LRP8: variants seen among roughly 807,000 people sequenced by gnomAD.
LRP8 encodes the protein low-density lipoprotein receptor-related protein 8.
Under a neutral mutation model 111.6 loss-of-function variants are expected in LRP8, and 46 were observed. That is an observed-to-expected ratio of 0.41 (90% CI 0.33 to 0.53). LRP8 has a LOEUF of 0.53. Among genes scored for constraint, LRP8 ranks in the 20% least tolerant of loss-of-function variants. LRP8 has a pLI of 0.20. For missense variants in LRP8, 959 were observed against 1,297.4 expected, an observed-to-expected ratio of 0.74 and a Z score of 4.01; for synonymous variants, 464 against 511.2, an observed-to-expected ratio of 0.91 and a Z score of 1.24.
chr1:53,301,996 A>C (rs533577416), intron 2 of LRP8, among the ~76,000 whole-genome samples: 13 of 152,138 alleles, frequency 8.5e-5, no homozygotes, highest in Non-Finnish European at 1.5e-4. Context: ...CTCAGCTGTA[A>C]AACAAGGACA....
At chr1:53,312,787 C>T (rs12062223) in intron 2 of LRP8, among the ~76,000 whole-genome samples, 7,091 of 152,186 alleles carry the variant, frequency 0.047, 555 homozygotes, top group African/African-American at 0.16. Flanking sequence ...GGTCAAGTGT[C>T]CCAGTTTGCT....
chr1:53,287,080 T>C (rs1416691434), intron 3 of LRP8, among the ~76,000 whole-genome samples: 1 of 152,244 alleles, frequency 6.6e-6, no homozygotes. Flanking sequence ...CCTATAATCT[T>C]TCTTTTAGGG....
chr1:53,245,939 C>T lies in LRP8; in HGVS notation c.*1079G>A, dbSNP rs1269561007. The T allele has an allele frequency of 6.6e-6, 1 of 152,654 alleles. No individual in the cohort carries two copies. The highest frequency in any genetic ancestry group is 1.5e-5 in the Non-Finnish European group (1 of 68,042). The allele number at this position is 152,654 out of a possible 1,614,324, so 9.5% of individuals were successfully genotyped here. On this transcript the variant is annotated 3_prime_UTR_variant, in exon 19 of 19. Transcript: ENST00000306052. ...TTAGCTCTGTAAGGATGGCACCCTT[C>T]AGGGTGCTTCAGAGGAAACTTACTG... is the stretch of plus-strand genomic sequence containing the variant.
rs1350292886 is a variant in LRP8 at position 53,244,177 on chromosome 1, T to C, written c.*2841A>G. 6.6e-6 allele frequency: 1 copy of C among 152,260 alleles called. No homozygotes were observed. Among genetic ancestry groups the C allele is most frequent in the East Asian group, 1.9e-4 (1 of 5,206 alleles). 9.4% of individuals were successfully genotyped at this position (152,260 alleles called of 1,614,324 possible). A position where few individuals can be genotyped will look rare whatever the true frequency, so the allele number is the denominator to read the frequency against. On this transcript the variant is annotated 3_prime_UTR_variant, in exon 19 of 19. Coordinates refer to ENST00000306052, the MANE Select transcript of LRP8 (RefSeq NM_004631.5). ...TGTTTCTAGAAGGCATTTCAGTTAG[T>C]GCCTTTGTAATTCCACTGGAGGAAA...
chr1:53,257,611 T>C (rs927115039), intron 14 of LRP8, 147 bp from the exon 15 acceptor site: 3 of 634,040 alleles, frequency 4.7e-6, no homozygotes, highest in East Asian at 5.5e-5. Flanking sequence ...CAGTGGGCTA[T>C]GATCTTTTCT....
intron 2 of LRP8, among the ~76,000 whole-genome samples, chr1:53,307,023 A>G (rs1278895325): frequency 6.6e-6 from 1 of 152,174 alleles, no homozygotes; most frequent in Non-Finnish European, 1.5e-5. Flanking sequence ...CTCCTCCTTG[A>G]AACAGGAAGA....
Position 53,317,896 on chromosome 1 carries a change from T to C in LRP8, c.244+8977A>G, listed in dbSNP as rs1397898687. 2.0e-5 allele frequency among the ~76,000 whole-genome samples: 3 copies of C among 151,602 alleles called. No individual in the cohort carries two copies. Among genetic ancestry groups the C allele is most frequent in the Non-Finnish European group, 4.4e-5 (3 of 67,904 alleles). ...GAGCTCTGGAAGTGGAGCTAAGGAG[T>C]CCAGCTGCCCTGTTTCCCTGCCCAG... is the stretch of plus-strand genomic sequence containing the variant. On this transcript the variant is annotated intron_variant, in intron 2 of 18. Transcript: ENST00000306052. This position sits in a 1 kb window ranked among gnomAD's most constrained non-coding sequence, Gnocchi z 4.9.
At chr1:53,253,859 C>G (rs934084746) in intron 16 of LRP8, among the ~76,000 whole-genome samples, 1 of 152,186 alleles carries the variant, frequency 6.6e-6, no homozygotes, top group Non-Finnish European at 1.5e-5. Context: ...CTATCTATAT[C>G]CAACATGCCC....
chr1:53,327,056 CG>C (rs1230944591), intron 1 of LRP8, 64 bp from the exon 2 acceptor site: 1 of 1,582,010 alleles, frequency 6.3e-7, no homozygotes. Flanking sequence ...CCATGCAGTC[CG>C]GGCCACCCGG....
At chr1:53,272,134 C>A (rs1385473217) in intron 6 of LRP8, among the ~76,000 whole-genome samples, 2 of 152,002 alleles carry the variant, frequency 1.3e-5, no homozygotes, top group East Asian at 1.9e-4. Context: ...TAAATCAATT[C>A]TCTCCTATCA....
rs934881637 is a variant in LRP8 at position 53,250,002 on chromosome 1, CAG to C, written c.2677-448_2677-447del. 6.6e-5 allele frequency among the ~76,000 whole-genome samples: 10 copies of C among 152,160 alleles called. No individual in the cohort carries two copies. The highest frequency in any genetic ancestry group is 5.2e-4 in the Admixed American group (8 of 15,274). ...AAAAGACAAGTGGACTACAGTGTGA[CAG>C]GGGCTGTGAGGTAGAGAGGCCCAGA... On this transcript the variant is annotated intron_variant, in intron 17 of 18. Transcript: ENST00000306052. The surrounding 1 kb of genome is among the most constrained non-coding windows in gnomAD (Gnocchi z 4.6).
Position 53,317,742 on chromosome 1 carries a change from T to G in LRP8, c.244+9131A>C, listed in dbSNP as rs764926728. On this transcript the variant is annotated intron_variant, in intron 2 of 18. Coordinates refer to ENST00000306052, the MANE Select transcript of LRP8 (RefSeq NM_004631.5). This position sits in a 1 kb window ranked among gnomAD's most constrained non-coding sequence, Gnocchi z 4.9. Reference sequence around the variant, plus strand: ...GGAATATGGGCTCATTTTCCCGCTTTCGGAAAGTCTCATGAAGCTGGTGGG... The same window carrying G: ...GGAATATGGGCTCATTTTCCCGCTTGCGGAAAGTCTCATGAAGCTGGTGGG... Among the ~76,000 whole-genome samples the G allele has an allele frequency of 3.2e-4, 48 of 152,334 alleles. No individual in the cohort carries two copies. Among genetic ancestry groups the G allele is most frequent in the South Asian group, 1.5e-3 (7 of 4,824 alleles).
At chr1:53,284,563 C>G (rs1647285058) in intron 3 of LRP8, among the ~76,000 whole-genome samples, 1 of 152,228 alleles carries the variant, frequency 6.6e-6, no homozygotes. Context: ...GCTCCACCTC[C>G]AGGGTGGACC....
chr1:53,315,910 A>G (rs1373700429), intron 2 of LRP8, among the ~76,000 whole-genome samples: 2 of 152,186 alleles, frequency 1.3e-5, no homozygotes, highest in Non-Finnish European at 2.9e-5. Context: ...AGACATCAGC[A>G]CAGGATCTTC....
chr1:53,281,082 C>T (rs1209937145), intron 3 of LRP8, among the ~76,000 whole-genome samples: 1 of 152,216 alleles, frequency 6.6e-6, no homozygotes, highest in African/African-American at 2.4e-5. Context: ...CTGCCATTTC[C>T]CAGCTGTGTG....
rs1367647541 is a variant in LRP8 at position 53,294,083 on chromosome 1, G to A, written c.245-4394C>T. Among the ~76,000 whole-genome samples, 4 of 152,220 alleles carry A rather than the reference G, an allele frequency of 2.6e-5. No homozygotes were observed. On this transcript the variant is annotated intron_variant, in intron 2 of 18. Transcript: ENST00000306052. This position sits in a 1 kb window ranked among gnomAD's most constrained non-coding sequence, Gnocchi z 4.1. The stretch of plus-strand genomic sequence containing the variant: ...GCCATGCCAGACCCCTACTCTGCTG[G>A]CCTTGGCTCTGGTTCCCAGGGTGAT...
intron 1 of LRP8, 67 bp from the exon 2 acceptor site, chr1:53,327,059 G>A: frequency 1.9e-6 from 3 of 1,581,612 alleles, no homozygotes; most frequent in East Asian, 2.3e-5. Context: ...TGCAGTCCGG[G>A]CCACCCGGAA....
At chr1:53,267,311 A>G (rs971767872) in intron 8 of LRP8, 1 of 151,678 alleles carries the variant, frequency 6.6e-6, no homozygotes, top group Non-Finnish European at 1.5e-5. Context: ...AAAAATAAAA[A>G]TAAAAAAAAA....
rs757816171 is a variant in LRP8, at chr1:53,271,094, A to T, written c.1186T>A (p.Tyr396Asn). The change falls in exon 8 of 19, where the codon TAT becomes AAT. Residue 396 changes from tyrosine to asparagine, a missense_variant. Physicochemically the swap from Tyr to Asn is moderately radical, Grantham distance 143. Coordinates refer to ENST00000306052, the MANE Select transcript of LRP8 (RefSeq NM_004631.5). ...CCAGGGTAGCACTCACACTTAAAAT[A>T]GCCCTTGTAATTGACACAGATCTGG... is the stretch of plus-strand genomic sequence containing the variant. Reference protein sequence around the residue: ...CSQICVNYKGYFKCECYPGYE... With the variant: ...CSQICVNYKGNFKCECYPGYE... The T allele has an allele frequency of 6.2e-7, 1 of 1,614,030 alleles. No homozygotes were observed. Among genetic ancestry groups the T allele is most frequent in the South Asian group, 1.1e-5 (1 of 91,074 alleles).
Sources: allele counts gnomAD v4.1 joint callset (sites outside exome capture counted in the v4.1 genomes callset), GRCh38; gene constraint gnomAD v4.1.1; non-coding constraint Gnocchi (gnomAD v3.1); transcripts MANE v1.5; gene names NCBI Gene and HGNC (gene_info 2026-07-23, HGNC 2026-07-21).